The following CNOT1 variants were observed in gnomAD, a reference collection of about 807,000 sequenced individuals.
The protein encoded by CNOT1 is CCR4-NOT transcription complex subunit 1, also known as CCR4-associated factor 1.
Under a neutral mutation model 273.8 loss-of-function variants are expected in CNOT1, and 15 were observed. That is an observed-to-expected ratio of 0.05 (90% CI 0.04 to 0.08). CNOT1 has a LOEUF of 0.08. Among genes scored for constraint, CNOT1 ranks in the 10% least tolerant of loss-of-function variants. CNOT1 has a pLI of 1.00. For synonymous variants in CNOT1, 1,022 were observed against 1,005.5 expected (o/e 1.02, Z -0.31); for missense variants, 1,644 against 2,912.2 (o/e 0.56, Z 10.02).
chr16:58,597,089 C>T (rs1391077855), intron 2 of CNOT1, among the ~76,000 whole-genome samples: 1 of 100,836 alleles, frequency 9.9e-6, no homozygotes, highest in Non-Finnish European at 2.2e-5. Flanking sequence ...TCAACCAGGG[C>T]ATTTAAAAAG....
chr16:58,588,350 TAG>T lies in CNOT1; in HGVS notation c.210+447_210+448del, dbSNP rs942735315. ...AAAGATGTAAAGAAAGTTATAAAAATAGAGTTTTTTAAAAAAAAAACTCATTA... is the reference window on the plus strand; with the variant it reads ...AAAGATGTAAAGAAAGTTATAAAAATAGTTTTTTAAAAAAAAAACTCATTA... On this transcript the variant is annotated intron_variant, in intron 3 of 48. Transcript: ENST00000317147. Among the ~76,000 whole-genome samples the T allele has an allele frequency of 4.3e-4, 66 of 151,922 alleles. 1 individual carries two copies. Among genetic ancestry groups the T allele is most frequent in the African/African-American group, 1.5e-3 (62 of 41,334 alleles).
intron 3 of CNOT1, among the ~76,000 whole-genome samples, chr16:58,588,551 C>T (rs2041951167): frequency 6.6e-6 from 1 of 152,128 alleles, no homozygotes; most frequent in Non-Finnish European, 1.5e-5. Context: ...AGGGAACCCT[C>T]ACATTCCTGC....
rs1284579746 is a variant in CNOT1, at chr16:58,549,701, A to G, written c.3522+18T>C. On this transcript the variant is annotated intron_variant, in intron 25 of 48. Transcript: ENST00000317147. ...ATTCAAAGCAATAATTAAAGGAAATATAAGAACCAACTCTTACTTTAATGT... is the reference window on the plus strand; with the variant it reads ...ATTCAAAGCAATAATTAAAGGAAATGTAAGAACCAACTCTTACTTTAATGT... 2 of 1,576,440 alleles carry G rather than the reference A, an allele frequency of 1.3e-6. No individual in the cohort carries two copies. The highest frequency in any genetic ancestry group is 1.7e-6 in the Non-Finnish European group (2 of 1,167,474).
intron 1 of CNOT1, among the ~76,000 whole-genome samples, chr16:58,620,778 A>G (rs2152048696): frequency 6.6e-6 from 1 of 152,208 alleles, no homozygotes; most frequent in African/African-American, 2.4e-5. Context: ...TTATAATTCC[A>G]GATGAAGGTA....
chr16:58,573,020 A>T (rs142568475), intron 16 of CNOT1, among the ~76,000 whole-genome samples: 22 of 151,854 alleles, frequency 1.4e-4, no homozygotes, highest in Admixed American at 3.9e-4. Context: ...GAAAAAAATT[A>T]AAGAGGCCAG....
Position 58,546,350 on chromosome 16 carries a change from G to A in CNOT1, c.3977C>T (p.Pro1326Leu), listed in dbSNP as rs1488549546. ...GGTTGTGATGGGAGGGAGTTCTTCT[G>A]GCTGCTTGACATCTTTCTTTGGAGC... The part of the protein sequence containing the change: ...LSAPKKDVKQ[P>L]EELPPITTTT... The change falls in exon 29 of 49, where the codon CCA becomes CTA. Residue 1326 changes from proline (P) to leucine (L), a missense_variant. Pro to Leu is a moderately conservative substitution (Grantham distance 98). Transcript: ENST00000317147. 1.2e-6 allele frequency: 2 copies of A among 1,613,802 alleles called. No homozygotes were observed. The highest frequency in any genetic ancestry group is 1.7e-5 in the Admixed American group (1 of 59,994).
At chr16:58,608,009 T>TA (rs2042749526) in intron 1 of CNOT1, among the ~76,000 whole-genome samples, 1 of 151,458 alleles carries the variant, frequency 6.6e-6, no homozygotes, top group Admixed American at 6.6e-5. Context: ...CTGTCTCTAC[T>TA]AAAAAATACA....
At chr16:58,578,028 T>C (rs552832482) in intron 13 of CNOT1, among the ~76,000 whole-genome samples, 39 of 152,206 alleles carry the variant, frequency 2.6e-4, no homozygotes, top group Non-Finnish European at 5.4e-4. Flanking sequence ...TAATTAAAAA[T>C]TGCTCTGTGA....
At chr16:58,585,531 T>C (rs1279433462) in intron 7 of CNOT1, 25 bp from the exon 8 acceptor site, 2 of 1,595,362 alleles carry the variant, frequency 1.3e-6, no homozygotes, top group East Asian at 4.5e-5. Context: ...AGGTTACAAC[T>C]GCTATACTAA....
Position 58,583,142 on chromosome 16 carries a change from G to T in CNOT1, c.847C>A (p.Arg283=). The T allele has an allele frequency of 6.2e-7, 1 of 1,613,742 alleles. No individual in the cohort carries two copies. Among genetic ancestry groups the T allele is most frequent in the East Asian group, 2.2e-5 (1 of 44,858 alleles). The change falls in exon 9 of 49, where the codon CGG becomes AGG. Residue 283 remains arginine (R), a synonymous_variant. Coordinates refer to ENST00000317147, the MANE Select transcript of CNOT1 (RefSeq NM_016284.5). ...CRNIIVQFGV[R]EVTAAQVARV... is the part of the protein sequence containing the mutation. ...GCAACCTGGGCAGCTGTGACCTCCC[G>T]AACACCAAACTGCACGATTATATTG...
At chr16:58,627,006 A>C (rs1231189343) in intron 1 of CNOT1, among the ~76,000 whole-genome samples, 1 of 152,126 alleles carries the variant, frequency 6.6e-6, no homozygotes, top group African/African-American at 2.4e-5. Flanking sequence ...GACAGCACTC[A>C]ATTAGAATTA....
Position 58,576,527 on chromosome 16 carries a change from A to G in CNOT1, c.1640T>C (p.Met547Thr), listed in dbSNP as rs1371804323. 1.2e-6 allele frequency: 2 copies of G among 1,614,026 alleles called. No homozygotes were observed. The highest frequency in any genetic ancestry group is 1.3e-5 in the African/African-American group (1 of 74,912). The change falls in exon 14 of 49, where the codon ATG becomes ACG. Residue 547 changes from methionine to threonine, a missense_variant. Transcript: ENST00000317147. ...LIMHAMAEWY[M>T]RGEQYDQAKL... is the part of the protein sequence containing the mutation. The stretch of plus-strand genomic sequence containing the variant: ...GGCCTGATCATACTGCTCCCCTCTC[A>G]TGTACCATTCTGCCATTGCATGCAT...
chr16:58,611,687 G>A (rs1315813928), intron 1 of CNOT1, among the ~76,000 whole-genome samples: 1 of 150,838 alleles, frequency 6.6e-6, no homozygotes, highest in Non-Finnish European at 1.5e-5. Context: ...TGGGTGTGGT[G>A]GCAGGCATCT....
intron 24 of CNOT1, among the ~76,000 whole-genome samples, chr16:58,550,917 T>A (rs2040429870): frequency 6.6e-6 from 1 of 152,196 alleles, no homozygotes; most frequent in South Asian, 2.1e-4. Context: ...CATGAGAACA[T>A]TAAGCTTATT....
chr16:58,536,620 T>G lies in CNOT1; in HGVS notation c.5646+369A>C, dbSNP rs867946046. Among the ~76,000 whole-genome samples the G allele has an allele frequency of 8.0e-5, 10 of 124,428 alleles. No individual in the cohort carries two copies. The South Asian group carries it at 2.6e-3, about 33-fold the overall frequency. The allele number at this position is 124,428 out of a possible 152,430, so 81.6% of individuals were successfully genotyped here. A position where few individuals can be genotyped will look rare whatever the true frequency, so the allele number is the denominator to read the frequency against. On this transcript the variant is annotated intron_variant, in intron 39 of 48. Transcript: ENST00000317147. ...TACCATTTAAATAAGCATTTTTGTTTTGTCATTTTTTTTTAATGTGGGCTA... is the reference window on the plus strand; with the variant it reads ...TACCATTTAAATAAGCATTTTTGTTGTGTCATTTTTTTTTAATGTGGGCTA...
intron 17 of CNOT1, chr16:58,559,795 TA>T: frequency 1.9e-6 from 1 of 517,354 alleles, no homozygotes; most frequent in South Asian, 1.4e-5. Flanking sequence ...GGGAGTAACT[TA>T]AATGTACCTT....
intron 25 of CNOT1, among the ~76,000 whole-genome samples, chr16:58,549,235 C>T (rs1479538348): frequency 1.3e-5 from 2 of 148,394 alleles, no homozygotes; most frequent in Non-Finnish European, 3.0e-5. Context: ...TGCAGTGAGC[C>T]GAGATCGTGC....
intron 16 of CNOT1, among the ~76,000 whole-genome samples, chr16:58,566,662 T>C (rs2041053320): frequency 6.6e-6 from 1 of 152,184 alleles, no homozygotes; most frequent in African/African-American, 2.4e-5. Context: ...GCCAGTATGA[T>C]TGGTTTCTTT....
At chr16:58,609,564 G>A (rs1189957962) in intron 1 of CNOT1, among the ~76,000 whole-genome samples, 1 of 152,106 alleles carries the variant, frequency 6.6e-6, no homozygotes, top group African/African-American at 2.4e-5. Flanking sequence ...TTAGGCTCAA[G>A]TGATCCTCCC....
Sources: allele counts gnomAD v4.1 joint callset (sites outside exome capture counted in the v4.1 genomes callset), GRCh38; gene constraint gnomAD v4.1.1; transcripts MANE v1.5; gene names NCBI Gene and HGNC (gene_info 2026-07-23, HGNC 2026-07-21).